The following DDX52 variants were observed in gnomAD, a reference collection of about 807,000 sequenced individuals.
DDX52 encodes DExD-box helicase 52.
DDX52 carries 59 observed loss-of-function variants against 76.1 expected under a neutral mutation model. The observed-to-expected ratio is 0.78, with a 90% CI of 0.63 to 0.96. DDX52 has a LOEUF of 0.96. Among genes scored for constraint, DDX52 ranks in the 40% least tolerant of loss-of-function variants. The pLI is 0.00. For synonymous variants in DDX52, 231 were observed against 244.1 expected (o/e 0.95, Z 0.50); for missense variants, 707 against 703.9 (o/e 1.00, Z -0.05).
intron 2 of DDX52, among the ~76,000 whole-genome samples, chr17:37,638,792 CAG>C (rs1485740597): frequency 8.2e-6 from 1 of 122,202 alleles, no homozygotes; most frequent in Non-Finnish European, 1.6e-5. Flanking sequence ...TTTTTTGAGA[CAG>C]AGTCTTGCTC....
At chr17:37,634,583 A>G (rs945939153) in intron 2 of DDX52, among the ~76,000 whole-genome samples, 2 of 151,624 alleles carry the variant, frequency 1.3e-5, no homozygotes, top group Non-Finnish European at 2.9e-5. Flanking sequence ...GTGAGCCAAG[A>G]TTGTGCCACT....
intron 2 of DDX52, among the ~76,000 whole-genome samples, chr17:37,634,113 T>C (rs1229821424): frequency 6.6e-6 from 1 of 151,260 alleles, no homozygotes; most frequent in Non-Finnish European, 1.5e-5. Flanking sequence ...CCCGGCTAAT[T>C]TTGTTTTGTA....
chr17:37,617,218 G>C (rs1395656547), intron 14 of DDX52, among the ~76,000 whole-genome samples: 1 of 152,068 alleles, frequency 6.6e-6, no homozygotes, highest in East Asian at 1.9e-4. Flanking sequence ...TTTTTCTAAT[G>C]ACTTCTATAG....
intron 9 of DDX52, 58 bp downstream of exon 9, chr17:37,624,286 C>T: frequency 7.5e-7 from 1 of 1,326,736 alleles, no homozygotes; most frequent in Non-Finnish European, 1.1e-6. Flanking sequence ...TAGCCTCCCA[C>T]TAGTAATATA....
chr17:37,617,030 T>C (rs1372135456), intron 14 of DDX52, among the ~76,000 whole-genome samples: 1 of 152,210 alleles, frequency 6.6e-6, no homozygotes, highest in Non-Finnish European at 1.5e-5. Context: ...TTCACAATCA[T>C]CTTTCTCTTA....
rs1352193095 is a variant in DDX52 at position 37,625,909 on chromosome 17, C to A, written c.1122G>T (p.Val374=). The stretch of plus-strand genomic sequence containing the variant: ...CAATTAAATACCTTGCTCCAATGGA[C>A]ACACTGATGACATTGTCCAGGTTGA... ...CKLNLDNVIS[V]SIGARNSAVE... is the part of the protein sequence containing the mutation. The change falls in exon 8 of 15, where the codon GTG becomes GTT. Residue 374 remains valine (V), a synonymous_variant. Coordinates refer to ENST00000617633, the MANE Select transcript of DDX52 (RefSeq NM_007010.5). 1 of 1,613,860 alleles carries A rather than the reference C, an allele frequency of 6.2e-7. No individual in the cohort carries two copies. Among genetic ancestry groups the A allele is most frequent in the East Asian group, 2.2e-5 (1 of 44,886 alleles).
chr17:37,626,119 T>C lies in DDX52; in HGVS notation c.933-21A>G, dbSNP rs764419421. 11 of 1,613,074 alleles carry C rather than the reference T, an allele frequency of 6.8e-6. No homozygotes were observed. In the African/African-American group the frequency reaches 1.1e-4, roughly 16 times the overall value. ...CAACACTAAGAAATAACAAAACAAC[T>C]TGTGGATACTGAACTGAAAGATCCA... On this transcript the variant is annotated intron_variant, in intron 7 of 14. Coordinates refer to ENST00000617633, the MANE Select transcript of DDX52 (RefSeq NM_007010.5).
chr17:37,628,808 A>C (rs2030523850), intron 5 of DDX52, 136 bp from the exon 6 acceptor site: 2 of 644,580 alleles, frequency 3.1e-6, no homozygotes, highest in African/African-American at 3.7e-5. Context: ...TCTGTAGATT[A>C]ACCTGAAATC....
At chr17:37,628,718 C>T in intron 5 of DDX52, 46 bp from the exon 6 acceptor site, 1 of 1,333,166 alleles carries the variant, frequency 7.5e-7, no homozygotes, top group Non-Finnish European at 1.0e-6. Flanking sequence ...CATACTTGGA[C>T]AAGATGTATA....
At chr17:37,627,515 G>A (rs961757160) in intron 6 of DDX52, among the ~76,000 whole-genome samples, 2 of 151,822 alleles carry the variant, frequency 1.3e-5, no homozygotes, top group Admixed American at 6.6e-5. Context: ...CCAAAATGCC[G>A]GATTACAGGC....
intron 14 of DDX52, 127 bp downstream of exon 14, chr17:37,618,163 TTA>T (rs1178204592): frequency 1.1e-5 from 8 of 701,150 alleles, no homozygotes; most frequent in Non-Finnish European, 1.4e-5. Flanking sequence ...CTAAAATATA[TTA>T]TTTTTATAAC....
chr17:37,631,900 GA>G (rs1390761141), intron 4 of DDX52: 9 of 596,548 alleles, frequency 1.5e-5, no homozygotes, highest in Non-Finnish European at 2.3e-5. Context: ...CAGTGTGGGG[GA>G]AAGGGTACTA....
rs780637600 is a variant in DDX52 at position 37,626,788 on chromosome 17, C to T, written c.932G>A (p.Ser311Asn). 6 of 1,609,506 alleles carry T rather than the reference C, an allele frequency of 3.7e-6. No homozygotes were observed. The African/African-American group carries it at 5.4e-5, about 14-fold the overall frequency. The change falls in exon 7 of 15, where the codon AGT becomes AAT. Residue 311 changes from serine to asparagine, a missense_variant and splice_region_variant. By Grantham distance (46) the Ser-to-Asn change is conservative. Transcript: ENST00000617633. ...AAAGACATGAAAATATCATCTATAC[C>T]TTGCTAGGTCGATTCCGGGGGGATC... ...KQDPPGIDLA[S>N]VEWLVVDESD...
intron 3 of DDX52, 49 bp downstream of exon 3, chr17:37,633,239 A>G (rs764241391): frequency 2.7e-5 from 42 of 1,538,860 alleles, no homozygotes; most frequent in South Asian, 1.1e-4. Flanking sequence ...CGAATAAGTC[A>G]CTAGGTCAGA....
chr17:37,641,074 A>G (rs536023363), intron 2 of DDX52, among the ~76,000 whole-genome samples: 1 of 152,284 alleles, frequency 6.6e-6, no homozygotes, highest in East Asian at 1.9e-4. Flanking sequence ...GTGAAATATT[A>G]ATGTCCAGTA....
At chr17:37,627,194 T>G (rs938404988) in intron 6 of DDX52, among the ~76,000 whole-genome samples, 1 of 152,104 alleles carries the variant, frequency 6.6e-6, no homozygotes, top group Non-Finnish European at 1.5e-5. Flanking sequence ...TGCACCTGGC[T>G]AATTTTTATT....
At chr17:37,639,740 CA>C (rs35776677) in intron 2 of DDX52, among the ~76,000 whole-genome samples, 22,207 of 108,422 alleles carry the variant, frequency 0.2, 1,684 homozygotes, top group Middle Eastern at 0.38. Context: ...GACTCAGTCT[CA>C]AAAAAAAAAA....
chr17:37,621,700 A>T (rs2030103758), intron 9 of DDX52, among the ~76,000 whole-genome samples, 180 bp from the exon 10 acceptor site: 1 of 152,168 alleles, frequency 6.6e-6, no homozygotes, highest in Non-Finnish European at 1.5e-5. Flanking sequence ...CCAATTGGTT[A>T]TTTCCACTCA....
chr17:37,624,522 A>C, intron 8 of DDX52, 88 bp from the exon 9 acceptor site: 1 of 917,062 alleles, frequency 1.1e-6, no homozygotes, highest in Non-Finnish European at 1.6e-6. Flanking sequence ...TTTACACACA[A>C]CTCCAACAAA....
Sources: allele counts gnomAD v4.1 joint callset (sites outside exome capture counted in the v4.1 genomes callset), GRCh38; gene constraint gnomAD v4.1.1; transcripts MANE v1.5; gene names NCBI Gene and HGNC (gene_info 2026-07-23, HGNC 2026-07-21).